CSMD1: variants seen among roughly 807,000 people sequenced by gnomAD.
CSMD1 encodes CUB and Sushi multiple domains 1.
In CSMD1, 213 loss-of-function variants were observed where a neutral mutation model predicts 417.5. The ratio of observed to expected loss-of-function variants is 0.51; its 90% CI spans 0.46 to 0.57. CSMD1 has a LOEUF of 0.57. Ranked by LOEUF, CSMD1 falls within the 20% of genes least tolerant of loss-of-function variation. The pLI, the probability that CSMD1 is intolerant of heterozygous loss-of-function variation, is 0.00. For missense variants in CSMD1, 6,923 were observed against 4,529.7 expected (o/e 1.53, Z -15.17); for synonymous variants, 2,862 against 1,736.8 (o/e 1.65, Z -16.11).
intron 26 of CSMD1, among the ~76,000 whole-genome samples, chr8:3,237,872 A>ATAC (rs1799255430): frequency 4.1e-4 from 3 of 7,258 alleles, no homozygotes; most frequent in African/African-American, 9.9e-4. Context: ...AATTTTTATA[A>ATAC]TTATACTATA....
At chr8:3,623,891 C>A (rs755531725) in intron 7 of CSMD1, among the ~76,000 whole-genome samples, 1 of 151,990 alleles carries the variant, frequency 6.6e-6, no homozygotes, top group African/African-American at 2.4e-5. Flanking sequence ...GCAGGAGAAT[C>A]GCTTGAACCC....
intron 12 of CSMD1, among the ~76,000 whole-genome samples, chr8:3,412,403 G>C (rs1368125299): frequency 1.3e-5 from 2 of 152,110 alleles, no homozygotes; most frequent in Admixed American, 6.6e-5. Context: ...CAGATGGTTT[G>C]AAGGTCTGCT....
rs189597337 is a variant in CSMD1, at chr8:2,987,166, C to T, written c.8378-8366G>A. Among the ~76,000 whole-genome samples the T allele has an allele frequency of 2.4e-4, 36 of 152,032 alleles. 2 individuals are homozygous for T. In the East Asian group the frequency reaches 6.6e-3, roughly 28 times the overall value. On this transcript the variant is annotated intron_variant, in intron 54 of 69. Coordinates refer to ENST00000635120, the MANE Select transcript of CSMD1 (RefSeq NM_033225.6). The stretch of plus-strand genomic sequence containing the variant: ...AATAATAAACAGCTTATATTAAGGG[C>T]ATTTAGCATTTGCAGGTCAAGAAGA...
Position 3,998,048 on chromosome 8 carries a change from G to C in CSMD1, c.673C>G (p.Pro225Ala), listed in dbSNP as rs1322825314. ...TCCGCGTTGTTCTCGTACTCTGAAGGGAAGTGCGGGCTGGAGATGGAGCTG... is the reference window on the plus strand; with the variant it reads ...TCCGCGTTGTTCTCGTACTCTGAAGCGAAGTGCGGGCTGGAGATGGAGCTG... Reference protein sequence around the residue: ...TSSSISSPHFPSEYENNADCT... With the variant: ...TSSSISSPHFASEYENNADCT... The change falls in exon 5 of 70, where the codon CCT (proline) becomes GCT (alanine). Residue 225 changes from proline to alanine, a missense_variant. Coordinates refer to ENST00000635120, the MANE Select transcript of CSMD1 (RefSeq NM_033225.6). 6.3e-7 allele frequency: 1 copy of C among 1,599,614 alleles called. No individual in the cohort carries two copies. Among genetic ancestry groups the C allele is most frequent in the African/African-American group, 1.3e-5 (1 of 74,800 alleles).
rs996281085 is a variant in CSMD1, at chr8:3,490,562, T to C, written c.1448+3061A>G. ...TACATTTTTCAGCTCTCCGGAGTGTTTGCATGCATTATTTCATTTTTCTAT... is the reference window on the plus strand; with the variant it reads ...TACATTTTTCAGCTCTCCGGAGTGTCTGCATGCATTATTTCATTTTTCTAT... On this transcript the variant is annotated intron_variant, in intron 11 of 69. Transcript: ENST00000635120. 3.3e-5 allele frequency among the ~76,000 whole-genome samples: 5 copies of C among 152,224 alleles called. No individual in the cohort carries two copies. In the East Asian group the frequency reaches 9.6e-4, roughly 29 times the overall value.
At chr8:3,843,094 T>G (rs895486581) in intron 5 of CSMD1, among the ~76,000 whole-genome samples, 2 of 152,188 alleles carry the variant, frequency 1.3e-5, no homozygotes, top group African/African-American at 4.8e-5. Context: ...TTTTCTCTTT[T>G]TATTTATTCT....
At chr8:4,816,362 T>C (rs754428542) in intron 1 of CSMD1, among the ~76,000 whole-genome samples, 2 of 152,020 alleles carry the variant, frequency 1.3e-5, no homozygotes, top group Non-Finnish European at 2.9e-5. Flanking sequence ...TTTTTGAATC[T>C]TTAGTACAAA....
intron 10 of CSMD1, among the ~76,000 whole-genome samples, chr8:3,543,156 C>T (rs1243459215): frequency 6.6e-6 from 1 of 152,158 alleles, no homozygotes; most frequent in Non-Finnish European, 1.5e-5. Context: ...GGACAAAAGT[C>T]AATACCCTGA....
At chr8:3,007,225 T>A (rs890055818) in intron 52 of CSMD1, among the ~76,000 whole-genome samples, 2 of 150,526 alleles carry the variant, frequency 1.3e-5, no homozygotes, top group Admixed American at 1.3e-4. Flanking sequence ...CACAATGAGA[T>A]ACCATCTCAC....
intron 3 of CSMD1, among the ~76,000 whole-genome samples, chr8:4,232,655 T>C (rs550434046): frequency 6.6e-6 from 1 of 152,254 alleles, no homozygotes; most frequent in East Asian, 1.9e-4. Context: ...TAAATCTTAC[T>C]TTCTTAACTA....
At chr8:4,116,418 G>A (rs1308890852) in intron 3 of CSMD1, among the ~76,000 whole-genome samples, 1 of 151,768 alleles carries the variant, frequency 6.6e-6, no homozygotes, top group Non-Finnish European at 1.5e-5. Context: ...AACGTAAGCT[G>A]TACACATCAG....
At chr8:3,909,996 C>G (rs528978254) in intron 5 of CSMD1, among the ~76,000 whole-genome samples, 46 of 152,084 alleles carry the variant, frequency 3.0e-4, no homozygotes, top group Non-Finnish European at 4.9e-4. Context: ...GAATGTTCCT[C>G]CATTTATTTA....
chr8:4,755,684 G>A (rs907420952), intron 1 of CSMD1, among the ~76,000 whole-genome samples: 2 of 152,208 alleles, frequency 1.3e-5, no homozygotes, highest in East Asian at 1.9e-4. Context: ...TCAATAATTC[G>A]CAGTTAAAGT....
chr8:4,968,408 A>G (rs1585427902), intron 1 of CSMD1, among the ~76,000 whole-genome samples: 1 of 152,130 alleles, frequency 6.6e-6, no homozygotes, highest in South Asian at 2.1e-4. Context: ...TTAAAAAAAA[A>G]TAACACCCAA....
chr8:4,890,316 G>A (rs917098528), intron 1 of CSMD1, among the ~76,000 whole-genome samples: 3 of 152,116 alleles, frequency 2.0e-5, no homozygotes, highest in African/African-American at 7.3e-5. Flanking sequence ...AAAGGAGAGA[G>A]AACCTCCAGG....
intron 3 of CSMD1, among the ~76,000 whole-genome samples, chr8:4,203,306 C>G (rs1799775511): frequency 6.6e-6 from 1 of 152,080 alleles, no homozygotes; most frequent in South Asian, 2.1e-4. Context: ...CCCTCAACAC[C>G]ACGGGGTCGG....
chr8:3,233,695 T>C (rs1460598004), intron 26 of CSMD1, among the ~76,000 whole-genome samples: 1 of 152,166 alleles, frequency 6.6e-6, no homozygotes, highest in African/African-American at 2.4e-5. Flanking sequence ...CGATAAGAAT[T>C]CCAATTTCTC....
intron 3 of CSMD1, among the ~76,000 whole-genome samples, chr8:4,163,368 T>C (rs1022750636): frequency 2.6e-5 from 4 of 152,312 alleles, no homozygotes; most frequent in Admixed American, 2.0e-4. Context: ...CTCAGAGTTA[T>C]TTTACTCCAT....
chr8:3,818,445 G>T (rs969014327), intron 5 of CSMD1, among the ~76,000 whole-genome samples: 12 of 152,156 alleles, frequency 7.9e-5, no homozygotes, highest in African/African-American at 2.7e-4. Context: ...AACTCCTCAT[G>T]GATCAGCTAT....
Sources: allele counts gnomAD v4.1 joint callset (sites outside exome capture counted in the v4.1 genomes callset), GRCh38; gene constraint gnomAD v4.1.1; transcripts MANE v1.5; gene names NCBI Gene and HGNC (gene_info 2026-07-23, HGNC 2026-07-21).